The following KCNQ1 variants were observed in gnomAD, a reference collection of about 807,000 sequenced individuals.
KCNQ1 encodes potassium voltage-gated channel subfamily Q member 1.
KCNQ1 carries 49 observed loss-of-function variants against 72.4 expected under a neutral mutation model. The observed-to-expected ratio is 0.68, with a 90% confidence interval of 0.54 to 0.86. The LOEUF is 0.86. Among genes scored for constraint, KCNQ1 ranks in the 40% least tolerant of loss-of-function variants. The pLI is 0.00. For synonymous variants in KCNQ1, 450 were observed against 412.6 expected (o/e 1.09, Z -1.10); for missense variants, 790 against 945.1 (o/e 0.84, Z 2.15).
At chr11:2,721,806 G>A (rs1156780655) in intron 11 of KCNQ1, among the ~76,000 whole-genome samples, 2 of 152,250 alleles carry the variant, frequency 1.3e-5, no homozygotes, top group Non-Finnish European at 2.9e-5. Flanking sequence ...AGCCTCCGAG[G>A]AGGTTCACCT....
At chr11:2,840,604 G>A (rs928956430) in intron 15 of KCNQ1, among the ~76,000 whole-genome samples, 9 of 152,284 alleles carry the variant, frequency 5.9e-5, no homozygotes, top group East Asian at 1.9e-4. Flanking sequence ...AGGAAAAGAT[G>A]GATGGCTTTG....
chr11:2,549,617 G>A lies in KCNQ1; in HGVS notation c.478-21011G>A, dbSNP rs771298700. On this transcript the variant is annotated intron_variant, in intron 2 of 15. Transcript: ENST00000155840. The surrounding 1 kb of genome is among the most constrained non-coding windows in gnomAD (Gnocchi z 6.2). Reference sequence around the variant, plus strand: ...GGGACACTTCCAGTGACTGCTCTGCGAGGCCCGGGGTAGGGGCGTGGGGGG... The same window carrying A: ...GGGACACTTCCAGTGACTGCTCTGCAAGGCCCGGGGTAGGGGCGTGGGGGG... Among the ~76,000 whole-genome samples, 2 of 151,142 alleles carry A rather than the reference G, an allele frequency of 1.3e-5. No individual in the cohort carries two copies. The highest frequency in any genetic ancestry group is 2.4e-5 in the African/African-American group (1 of 40,840).
chr11:2,666,978 C>A (rs941144941), intron 11 of KCNQ1: 25 of 398,614 alleles, frequency 6.3e-5, no homozygotes, highest in Non-Finnish European at 8.8e-5. Flanking sequence ...GGGGCCCGCC[C>A]GGGAGGGCTG....
In KCNQ1 at chr11:2,446,848, G is replaced by A. The variant is rs975895250; in HGVS notation, c.386+1364G>A. On this transcript the variant is annotated intron_variant, in intron 1 of 15. Coordinates refer to ENST00000155840, the MANE Select transcript of KCNQ1 (RefSeq NM_000218.3). This position sits in a 1 kb window ranked among gnomAD's most constrained non-coding sequence, Gnocchi z 8.8. ...GCTGGCTCTGCTCGTGGCTGCAACAGCGGGGGCTCGGCTTGGGGTTTGGGA... is the reference window on the plus strand; with the variant it reads ...GCTGGCTCTGCTCGTGGCTGCAACAACGGGGGCTCGGCTTGGGGTTTGGGA... 1.8e-4 allele frequency among the ~76,000 whole-genome samples: 27 copies of A among 152,234 alleles called. No individual in the cohort carries two copies. The highest frequency in any genetic ancestry group is 3.8e-4 in the Non-Finnish European group (26 of 68,032).
At chr11:2,838,414 C>T (rs1321113521) in intron 15 of KCNQ1, among the ~76,000 whole-genome samples, 7 of 152,084 alleles carry the variant, frequency 4.6e-5, no homozygotes, top group Non-Finnish European at 1.0e-4. Context: ...GGGTTGTGAG[C>T]GGACTCTGGC....
intron 11 of KCNQ1, among the ~76,000 whole-genome samples, chr11:2,732,646 C>T (rs772388175): frequency 6.6e-6 from 1 of 152,256 alleles, no homozygotes; most frequent in Non-Finnish European, 1.5e-5. Flanking sequence ...GGCCACGGGG[C>T]AGCAGTTGCG....
At chr11:2,832,177 C>A (rs1320325342) in intron 15 of KCNQ1, among the ~76,000 whole-genome samples, 2 of 152,212 alleles carry the variant, frequency 1.3e-5, no homozygotes, top group African/African-American at 4.8e-5. Context: ...CCCAGCACCC[C>A]TGAGGGAAGG....
In KCNQ1 at chr11:2,768,448, G is replaced by A. The variant is rs961764184; in HGVS notation, c.1515-396G>A. Among the ~76,000 whole-genome samples the A allele has an allele frequency of 2.6e-5, 4 of 152,086 alleles. No individual in the cohort carries two copies. The highest frequency in any genetic ancestry group is 4.4e-5 in the Non-Finnish European group (3 of 68,010). On this transcript the variant is annotated intron_variant, in intron 11 of 15. Transcript: ENST00000155840. The surrounding 1 kb of genome is among the most constrained non-coding windows in gnomAD (Gnocchi z 6.7). ...GCAGCTGAAAGGGGCTGTGGGCATC[G>A]CCAGCATGTACCCTCTTATCCCATT...
intron 1 of KCNQ1, chr11:2,521,555 TCAGCTTCGACC>T (rs1427102510): frequency 2.1e-6 from 1 of 470,638 alleles, no homozygotes; most frequent in Non-Finnish European, 4.4e-6. Flanking sequence ...CCCCGGGGTT[TCAGCTTCGACC>T]CTGGGTGAGT....
chr11:2,736,737 G>T (rs1040601657), intron 11 of KCNQ1, among the ~76,000 whole-genome samples: 2 of 152,206 alleles, frequency 1.3e-5, no homozygotes, highest in Non-Finnish European at 2.9e-5. Context: ...TTTCACCTGC[G>T]CATCTGCAGC....
Position 2,620,213 on chromosome 11 carries a change from T to TATATA in KCNQ1, c.1393+31359_1393+31360insATATA, listed in dbSNP as rs1305943444. 2,153 of 247,178 alleles carry TATATA rather than the reference T, an allele frequency of 8.7e-3. 31 individuals are homozygous for TATATA. The highest frequency in any genetic ancestry group is 0.048 in the African/African-American group (1,607 of 33,792). 15.3% of individuals were successfully genotyped at this position (247,178 alleles called of 1,614,324 possible). On this transcript the variant is annotated intron_variant, in intron 10 of 15. Coordinates refer to ENST00000155840, the MANE Select transcript of KCNQ1 (RefSeq NM_000218.3). This position sits in a 1 kb window ranked among gnomAD's most constrained non-coding sequence, Gnocchi z 4.5. ...AGTTCATTCATGTATATATATATATTTTTTTTTTTTATTTTTTTTTTAGAC... is the reference window on the plus strand; with the variant it reads ...AGTTCATTCATGTATATATATATATTATATATTTTTTTTTTATTTTTTTTTTAGAC...
At chr11:2,699,080 C>G (rs552964202) in intron 11 of KCNQ1, 3 of 398,636 alleles carry the variant, frequency 7.5e-6, no homozygotes, top group African/African-American at 6.2e-5. Flanking sequence ...AACATGGATT[C>G]CCAACTTCCA....
At position 2,687,122 on chromosome 11, in the gene KCNQ1, C is replaced by T; in HGVS notation, c.1514+25041C>T. ...CAAGTACACCTTGACACACAAACTG[C>T]ACAGGGAGGGGAGGAATCTGAGCCA... On this transcript the variant is annotated intron_variant, in intron 11 of 15. Transcript: ENST00000155840. This position sits in a 1 kb window ranked among gnomAD's most constrained non-coding sequence, Gnocchi z 5.0. 2.5e-6 allele frequency: 1 copy of T among 398,644 alleles called. No individual in the cohort carries two copies. The highest frequency in any genetic ancestry group is 4.4e-6 in the Non-Finnish European group (1 of 226,086). The allele number at this position is 398,644 out of a possible 1,614,324, so 24.7% of individuals were successfully genotyped here. A position where few individuals can be genotyped will look rare whatever the true frequency, so the allele number is the denominator to read the frequency against.
At chr11:2,530,844 C>T (rs1164170776) in intron 2 of KCNQ1, among the ~76,000 whole-genome samples, 3 of 152,074 alleles carry the variant, frequency 2.0e-5, no homozygotes, top group Non-Finnish European at 2.9e-5. Context: ...TGTGTCGCTG[C>T]GTGTGTGTAC....
rs1002427861 is a variant in KCNQ1 at position 2,599,700 on chromosome 11, G to A, written c.1393+10846G>A. Among the ~76,000 whole-genome samples the A allele has an allele frequency of 2.0e-4, 30 of 152,114 alleles. No homozygotes were observed. The highest frequency in any genetic ancestry group is 2.6e-4 in the Admixed American group (4 of 15,274). Reference sequence around the variant, plus strand: ...CTCTTTCCTTGCCTTGCAGATGGCCGCCTTCTTCCTGTGTCATCACATGAC... The same window carrying A: ...CTCTTTCCTTGCCTTGCAGATGGCCACCTTCTTCCTGTGTCATCACATGAC... On this transcript the variant is annotated intron_variant, in intron 10 of 15. Transcript: ENST00000155840. The surrounding 1 kb of genome is among the most constrained non-coding windows in gnomAD (Gnocchi z 4.7).
At position 2,830,095 on chromosome 11, in the gene KCNQ1, G is replaced by A. The variant is rs1847916716; in HGVS notation, c.1795-17672G>A. On this transcript the variant is annotated intron_variant, in intron 15 of 15. Transcript: ENST00000155840. This position sits in a 1 kb window ranked among gnomAD's most constrained non-coding sequence, Gnocchi z 7.7. ...AGAGAAGGAAGAGATTGGCCAAGGA[G>A]CTCTGAGAGGGGAAGGTGGGTGCAT... 6.6e-6 allele frequency among the ~76,000 whole-genome samples: 1 copy of A among 151,432 alleles called. No individual in the cohort carries two copies.
At chr11:2,667,008 T>C (rs113535892) in intron 11 of KCNQ1, 11 of 398,534 alleles carry the variant, frequency 2.8e-5, no homozygotes, top group Non-Finnish European at 4.9e-5. Context: ...GCATGAGTCA[T>C]AGGATCCCCG....
intron 10 of KCNQ1, among the ~76,000 whole-genome samples, chr11:2,594,312 G>A (rs1168315183): frequency 6.6e-6 from 1 of 152,170 alleles, no homozygotes; most frequent in African/African-American, 2.4e-5. Context: ...TCCTTTGTAA[G>A]TGACCCTCCC....
At position 2,712,472 on chromosome 11, in the gene KCNQ1, T is replaced by C. The variant is rs1052573109; in HGVS notation, c.1514+50391T>C. Among the ~76,000 whole-genome samples the C allele has an allele frequency of 9.9e-5, 15 of 152,252 alleles. No homozygotes were observed. Among genetic ancestry groups the C allele is most frequent in the Non-Finnish European group, 1.6e-4 (11 of 68,014 alleles). On this transcript the variant is annotated intron_variant, in intron 11 of 15. Transcript: ENST00000155840. This position sits in a 1 kb window ranked among gnomAD's most constrained non-coding sequence, Gnocchi z 6.4. ...CTCAGAGCAGAGCCCCCAGTAATCA[T>C]AGTGAGGTATTTAGGGATAGAGTGG...
Sources: gnomAD v4.1 joint callset for allele counts (sites outside exome capture counted in the v4.1 genomes callset) on GRCh38, gnomAD v4.1.1 for gene constraint, Gnocchi (gnomAD v3.1) non-coding constraint, MANE v1.5 for transcripts, NCBI Gene and HGNC (gene_info 2026-07-23, HGNC 2026-07-21) for gene names.